Variants in TOR1A observed in about 807,000 individuals in gnomAD.
TOR1A encodes the protein torsin-1A.
In TOR1A, 18 loss-of-function variants were observed where a neutral mutation model predicts 31.4. That is an observed-to-expected ratio of 0.57 (90% CI 0.40 to 0.85). The LOEUF (loss-of-function observed/expected upper bound fraction) is 0.85. Ranked by LOEUF, TOR1A falls within the 40% of genes least tolerant of loss-of-function variation. TOR1A has a pLI of 0.00. For synonymous variants in TOR1A, 168 were observed against 165.9 expected (o/e 1.01, Z -0.10); for missense variants, 375 against 416.4 (o/e 0.90, Z 0.87).
chr9:129,823,765 G>C (rs2031252219), intron 1 of TOR1A, 143 bp downstream of exon 1: 2 of 520,078 alleles, frequency 3.8e-6, no homozygotes, highest in African/African-American at 2.5e-5. Flanking sequence ...CCCAGGCCCC[G>C]CTCCAGCCCT....
At chr9:129,815,461 C>T (rs1442664567) in intron 4 of TOR1A, among the ~76,000 whole-genome samples, 7 of 152,358 alleles carry the variant, frequency 4.6e-5, no homozygotes, top group Non-Finnish European at 5.9e-5. Context: ...GAAACAATCT[C>T]AGATGGTGCT....
intron 2 of TOR1A, among the ~76,000 whole-genome samples, chr9:129,819,204 A>G (rs528215351): frequency 1.3e-5 from 2 of 152,300 alleles, no homozygotes; most frequent in South Asian, 2.1e-4. Flanking sequence ...CTCACTCCAA[A>G]GCCCGATACT....
chr9:129,823,956 A>G lies in TOR1A; in HGVS notation c.130T>C (p.Cys44Arg). 6.5e-7 allele frequency: 1 copy of G among 1,549,462 alleles called. No homozygotes were observed. Among genetic ancestry groups the G allele is most frequent in the African/African-American group, 1.4e-5 (1 of 72,056 alleles). Residue 44 changes from cysteine (C) to arginine (R), a missense_variant, in exon 1 of 5, where the codon TGC becomes CGC. By Grantham distance (180) the Cys-to-Arg change is radical. Transcript: ENST00000351698. ...TGCCCGCAGCACTCGGCGAAGAGGC[A>G]GTAGAGACGCGGGTAGATGTAGCCG... ...LTGYIYPRLY[C>R]LFAECCGQKR...
chr9:129,814,494 T>C (rs556948321), intron 4 of TOR1A, among the ~76,000 whole-genome samples: 1 of 150,268 alleles, frequency 6.7e-6, no homozygotes, highest in Non-Finnish European at 1.5e-5. Flanking sequence ...TCATCCACCC[T>C]CCTATCCATC....
At chr9:129,814,850 C>T (rs2030994805) in intron 4 of TOR1A, among the ~76,000 whole-genome samples, 1 of 152,130 alleles carries the variant, frequency 6.6e-6, no homozygotes. Flanking sequence ...GGACTAGCAA[C>T]AGGGAAGCCT....
intron 2 of TOR1A, 115 bp from the exon 3 acceptor site, chr9:129,819,035 A>C: frequency 8.3e-7 from 1 of 1,204,968 alleles, no homozygotes; most frequent in Non-Finnish European, 1.2e-6. Context: ...CTCGGCACTA[A>C]GAACTTTACA....
intron 4 of TOR1A, among the ~76,000 whole-genome samples, chr9:129,815,388 G>GC (rs2031010209): frequency 1.3e-5 from 2 of 152,364 alleles, no homozygotes; most frequent in South Asian, 4.1e-4. Flanking sequence ...TGCCAGGCAC[G>GC]CCCTGGGCCT....
In TOR1A at chr9:129,812,991, A is replaced by G. The variant is rs930619361; in HGVS notation, c.*981T>C. On this transcript the variant is annotated 3_prime_UTR_variant, in exon 5 of 5. Transcript: ENST00000351698. The stretch of plus-strand genomic sequence containing the variant: ...AAACGGTAGCCATTTGCATTTATAA[A>G]GAAAGACACCGTTCTCAGCATCCTC... The G allele has an allele frequency of 6.6e-6, 1 of 152,224 alleles. No homozygotes were observed. Among genetic ancestry groups the G allele is most frequent in the African/African-American group, 2.4e-5 (1 of 41,468 alleles). The allele number at this position is 152,224 out of a possible 1,614,324, so 9.4% of individuals were successfully genotyped here.
intron 4 of TOR1A, among the ~76,000 whole-genome samples, chr9:129,817,330 CCT>C (rs1491501098): frequency 6.6e-6 from 1 of 152,226 alleles, no homozygotes; most frequent in African/African-American, 2.4e-5. Context: ...CATCTCTCCC[CCT>C]GAGCTGCCCA....
rs2030966144 is a variant in TOR1A at position 129,814,029 on chromosome 9, G to C, written c.942C>G (p.Phe314Leu). ...MTFFPKEERV[F>L]SDKGCKTVFT... ...ACACCGTTTTGCAGCCTTTATCTGA[G>C]AAAACTCTCTCCTCTTTGGGGAAAA... The change falls in exon 5 of 5, where the codon TTC becomes TTG. Residue 314 changes from phenylalanine (F) to leucine (L), a missense_variant. Physicochemically the swap from Phe to Leu is conservative, Grantham distance 22. Transcript: ENST00000351698. The C allele has an allele frequency of 6.2e-7, 1 of 1,614,132 alleles. No individual in the cohort carries two copies. Among genetic ancestry groups the C allele is most frequent in the Admixed American group, 1.7e-5 (1 of 60,016 alleles).
Position 129,814,644 on chromosome 9 carries a change from G to A in TOR1A, c.749-422C>T, listed in dbSNP as rs532550524. On this transcript the variant is annotated intron_variant, in intron 4 of 4. Coordinates refer to ENST00000351698, the MANE Select transcript of TOR1A (RefSeq NM_000113.3). ...ACAGCCCTCTTTACACGGCGGGCTG[G>A]GGGAGGCCTCCCAAGGTATGACTTA... 6.8e-4 allele frequency among the ~76,000 whole-genome samples: 103 copies of A among 151,612 alleles called. 1 individual carries two copies. The highest frequency in any genetic ancestry group is 2.3e-3 in the African/African-American group (93 of 41,322).
rs887278453 is a variant in TOR1A, at chr9:129,813,889, G to A, written c.*83C>T. ...CACTGGATTCCTCTTCCAGGGAAAG[G>A]AGCTGGGGGTGGAAGTGTGGAAGGA... On this transcript the variant is annotated 3_prime_UTR_variant, in exon 5 of 5. Transcript: ENST00000351698. 7.7e-6 allele frequency: 12 copies of A among 1,554,368 alleles called. No homozygotes were observed. In the Admixed American group the frequency reaches 1.2e-4, roughly 15 times the overall value.
chr9:129,813,945 A>G lies in TOR1A; in HGVS notation c.*27T>C, dbSNP rs1177300876. On this transcript the variant is annotated 3_prime_UTR_variant, in exon 5 of 5. Coordinates refer to ENST00000351698, the MANE Select transcript of TOR1A (RefSeq NM_000113.3). Reference sequence around the variant, plus strand: ...TGTTGTTTCTTTTCCAACTCCAGGCAGTGACTCCGGCTGCCAATCATGACT... The same window carrying G: ...TGTTGTTTCTTTTCCAACTCCAGGCGGTGACTCCGGCTGCCAATCATGACT... 5 of 1,612,924 alleles carry G rather than the reference A, an allele frequency of 3.1e-6. No individual in the cohort carries two copies. Among genetic ancestry groups the G allele is most frequent in the African/African-American group, 2.7e-5 (2 of 74,938 alleles).
chr9:129,820,123 T>C (rs557094606), intron 2 of TOR1A, among the ~76,000 whole-genome samples: 2 of 150,038 alleles, frequency 1.3e-5, no homozygotes, highest in Admixed American at 1.3e-4. Flanking sequence ...CTAAGCACTG[T>C]TCATATAACT....
At chr9:129,823,868 C>G in intron 1 of TOR1A, 40 bp downstream of exon 1, 1 of 1,539,172 alleles carries the variant, frequency 6.5e-7, no homozygotes, top group Middle Eastern at 2.3e-4. Flanking sequence ...TCGCCCAGCC[C>G]CAGCCCCAGC....
chr9:129,819,346 A>T (rs2031124203), intron 2 of TOR1A, among the ~76,000 whole-genome samples: 1 of 152,196 alleles, frequency 6.6e-6, no homozygotes, highest in African/African-American at 2.4e-5. Flanking sequence ...GGGGTCGGGC[A>T]TGGTGGCTCA....
chr9:129,817,648 G>A (rs564964363), intron 4 of TOR1A, among the ~76,000 whole-genome samples: 196 of 149,190 alleles, frequency 1.3e-3, no homozygotes, highest in African/African-American at 4.6e-3. Flanking sequence ...GCAGTGAGCC[G>A]AGATCGCGCC....
chr9:129,816,404 C>T (rs745321435), intron 4 of TOR1A, among the ~76,000 whole-genome samples: 1 of 152,186 alleles, frequency 6.6e-6, no homozygotes, highest in South Asian at 2.1e-4. Flanking sequence ...TGTACATGTG[C>T]GATGTGTGCA....
In TOR1A at chr9:129,813,901, G is replaced by T; in HGVS notation, c.*71C>A. ...CTTCCAGGGAAAGGAGCTGGGGGTG[G>T]AAGTGTGGAAGGACTGAGTGTTGTT... On this transcript the variant is annotated 3_prime_UTR_variant, in exon 5 of 5. Coordinates refer to ENST00000351698, the MANE Select transcript of TOR1A (RefSeq NM_000113.3). The T allele has an allele frequency of 1.9e-6, 3 of 1,583,294 alleles. No individual in the cohort carries two copies. Among genetic ancestry groups the T allele is most frequent in the Non-Finnish European group, 2.6e-6 (3 of 1,159,502 alleles).
Sources: allele counts gnomAD v4.1 joint callset (sites outside exome capture counted in the v4.1 genomes callset), GRCh38; gene constraint gnomAD v4.1.1; transcripts MANE v1.5; gene names NCBI Gene and HGNC (gene_info 2026-07-23, HGNC 2026-07-21).